The following SCN10A variants were observed in gnomAD, a reference collection of about 807,000 sequenced individuals.
SCN10A encodes the protein sodium voltage-gated channel alpha subunit 10.
SCN10A carries 162 observed loss-of-function variants against 170.7 expected under a neutral mutation model. The observed-to-expected ratio is 0.95, with a 90% CI of 0.84 to 1.08. The LOEUF (loss-of-function observed/expected upper bound fraction) is 1.08. Ranked by LOEUF, SCN10A falls within the 50% of genes least tolerant of loss-of-function variation. SCN10A has a pLI of 0.00. For missense variants in SCN10A, 2,527 were observed against 2,436.9 expected (o/e 1.04, Z -0.78); for synonymous variants, 985 against 904.6 (o/e 1.09, Z -1.59).
At chr3:38,698,620 G>T in intron 27 of SCN10A, 58 bp from the exon 28 acceptor site, 1 of 1,534,802 alleles carries the variant, frequency 6.5e-7, no homozygotes, top group Non-Finnish European at 8.9e-7. Flanking sequence ...ACGTGACAAA[G>T]TTGGCTGTGA....
At chr3:38,761,445 T>C (rs1243092177) in intron 6 of SCN10A, 62 bp from the exon 7 acceptor site, 7 of 1,430,980 alleles carry the variant, frequency 4.9e-6, no homozygotes, top group Non-Finnish European at 6.7e-6. Context: ...AGCACACTTC[T>C]TCATCTTAGC....
intron 12 of SCN10A, 101 bp downstream of exon 12, chr3:38,752,118 G>T (rs2063753015): frequency 1.9e-6 from 2 of 1,080,566 alleles, no homozygotes; most frequent in African/African-American, 3.2e-5. Flanking sequence ...TGGACAGGAT[G>T]ATGGCTAAAG....
chr3:38,723,371 C>T (rs2063415188), intron 19 of SCN10A, 59 bp downstream of exon 19: 11 of 1,605,474 alleles, frequency 6.9e-6, no homozygotes, highest in Admixed American at 1.7e-5. Context: ...AGTGTTCGCT[C>T]AACTGGATTC....
chr3:38,789,422 C>T (rs890168808), intron 3 of SCN10A, among the ~76,000 whole-genome samples: 3 of 152,128 alleles, frequency 2.0e-5, no homozygotes, highest in Non-Finnish European at 2.9e-5. Context: ...CCAAAATGTC[C>T]TTCTGCCCCG....
intron 1 of SCN10A, among the ~76,000 whole-genome samples, chr3:38,806,107 T>C (rs565271991): frequency 6.6e-6 from 1 of 152,150 alleles, no homozygotes; most frequent in African/African-American, 2.4e-5. Context: ...TGAATGAGAG[T>C]GTCAGGCTGA....
At position 38,760,703 on chromosome 3, in the gene SCN10A, A is replaced by G. The variant is rs745457404; in HGVS notation, c.928T>C (p.Cys310Arg). 2.5e-6 allele frequency: 4 copies of G among 1,614,136 alleles called. No individual in the cohort carries two copies. The highest frequency in any genetic ancestry group is 2.2e-5 in the East Asian group (1 of 44,888). Residue 310 changes from cysteine (C) to arginine (R), a missense_variant, in exon 8 of 28, where the codon TGT becomes CGT. Physicochemically the swap from Cys to Arg is radical, Grantham distance 180. Transcript: ENST00000449082. ...CACCCTGAGTCAGATCCATTGCCAC[A>G]CAGTAAGGGGTCAGAAGTGCCTCGC... ...NKRGTSDPLLCGNGSDSGHCP... is the reference protein window; with the variant it reads ...NKRGTSDPLLRGNGSDSGHCP...
At chr3:38,809,080 C>G (rs1212177969) in intron 1 of SCN10A, among the ~76,000 whole-genome samples, 1 of 152,170 alleles carries the variant, frequency 6.6e-6, no homozygotes, top group Admixed American at 6.5e-5. Context: ...CTGATTCATT[C>G]TGATTATGAT....
At chr3:38,710,183 T>C (rs1292229700) in intron 24 of SCN10A, among the ~76,000 whole-genome samples, 1 of 152,082 alleles carries the variant, frequency 6.6e-6, no homozygotes, top group Non-Finnish European at 1.5e-5. Context: ...TTTTTGAGAT[T>C]GAGTCTCGCT....
At chr3:38,799,323 T>C (rs1254437676) in intron 1 of SCN10A, among the ~76,000 whole-genome samples, 1 of 152,160 alleles carries the variant, frequency 6.6e-6, no homozygotes, top group Non-Finnish European at 1.5e-5. Context: ...TGATCAGTTA[T>C]AGGGGTATTG....
chr3:38,750,712 G>T (rs2063738148), intron 12 of SCN10A, among the ~76,000 whole-genome samples: 1 of 152,254 alleles, frequency 6.6e-6, no homozygotes, highest in South Asian at 2.1e-4. Context: ...GGCACAGTTG[G>T]GACTAAAATA....
intron 8 of SCN10A, 152 bp downstream of exon 8, chr3:38,760,529 C>T (rs1200670838): frequency 1.5e-6 from 1 of 653,972 alleles, no homozygotes; most frequent in Non-Finnish European, 2.7e-6. Flanking sequence ...TACATTCCCT[C>T]CCCATGAGCT....
chr3:38,702,067 CTTGT>C lies in SCN10A; in HGVS notation c.4425_4428del (p.Gln1476LeufsTer14). The C allele has an allele frequency of 6.3e-7, 1 of 1,585,084 alleles. No individual in the cohort carries two copies. Among genetic ancestry groups the C allele is most frequent in the Non-Finnish European group, 8.6e-7 (1 of 1,166,138 alleles). On this transcript the variant is annotated frameshift_variant, in exon 27 of 28. Transcript: ENST00000449082. LOFTEE classifies it high-confidence loss of function. ...AGGACCATGATGGTGATGTCAAAAG[CTTGT>C]CTGGTCACGATGTCAAAGACAAAAC...
intron 4 of SCN10A, among the ~76,000 whole-genome samples, chr3:38,771,664 G>T (rs1575167066): frequency 6.6e-6 from 1 of 152,362 alleles, no homozygotes; most frequent in African/African-American, 2.4e-5. Flanking sequence ...CTGCTGTTCT[G>T]GGGTTAGGCA....
At chr3:38,803,209 A>C (rs1278596157) in intron 1 of SCN10A, among the ~76,000 whole-genome samples, 1 of 152,234 alleles carries the variant, frequency 6.6e-6, no homozygotes, top group East Asian at 1.9e-4. Flanking sequence ...GTGGGACTGT[A>C]AACTAGTTCA....
At chr3:38,804,134 T>C (rs2064391736) in intron 1 of SCN10A, among the ~76,000 whole-genome samples, 1 of 152,230 alleles carries the variant, frequency 6.6e-6, no homozygotes, top group Admixed American at 6.5e-5. Context: ...TGAACTCACT[T>C]CATATAATTC....
rs367743519 is a variant in SCN10A at position 38,742,354 on chromosome 3, G to A, written c.2043C>T (p.Phe681=). 1.2e-4 allele frequency: 201 copies of A among 1,614,206 alleles called. 2 individuals carry two copies. The East Asian group carries it at 3.9e-3, about 31-fold the overall frequency. The change falls in exon 14 of 28, where the codon TTC becomes TTT. Residue 681 remains phenylalanine, a synonymous_variant. Transcript: ENST00000449082. ...TCATGCCATGGTGCTCCATGGCCAT[G>A]AAGATGGTGTTCACCACGATGCACA... is the stretch of plus-strand genomic sequence containing the variant. The part of the protein sequence containing the change: ...ITLCIVVNTI[F]MAMEHHGMSP...
rs2063821895 is a variant in SCN10A, at chr3:38,757,492, C to T, written c.951-333G>A. On this transcript the variant is annotated intron_variant, in intron 8 of 27. Coordinates refer to ENST00000449082, the MANE Select transcript of SCN10A (RefSeq NM_006514.4). ...CAATAACGCAGACTTAAAACCTGAGCCTGTTGGCATCATCTGCAGAGTTGT... is the reference window on the plus strand; with the variant it reads ...CAATAACGCAGACTTAAAACCTGAGTCTGTTGGCATCATCTGCAGAGTTGT... Among the ~76,000 whole-genome samples the T allele has an allele frequency of 2.0e-5, 3 of 152,146 alleles. No individual in the cohort carries two copies. The South Asian group carries it at 6.2e-4, about 32-fold the overall frequency.
intron 15 of SCN10A, among the ~76,000 whole-genome samples, chr3:38,738,916 T>C (rs777483324): frequency 2.0e-5 from 3 of 152,188 alleles, no homozygotes; most frequent in Non-Finnish European, 4.4e-5. Context: ...TTGAAGGTGC[T>C]TGAGACATTG....
In SCN10A at chr3:38,714,002, C is replaced by T. The variant is rs773155259; in HGVS notation, c.3760G>A (p.Ala1254Thr). ...APIKALRTLRALRPLRALSRF... is the reference protein window; with the variant it reads ...APIKALRTLRTLRPLRALSRF... ...GAAAGAGCCCGCAGTGGCCGCAGAG[C>T]GCGAAGGGTTCGAAGGGCTTTGATG... The change falls in exon 22 of 28, where the codon GCT (alanine) becomes ACT (threonine). Residue 1254 changes from alanine (A) to threonine (T), a missense_variant. Ala to Thr is a moderately conservative substitution (Grantham distance 58). Coordinates refer to ENST00000449082, the MANE Select transcript of SCN10A (RefSeq NM_006514.4). 56 of 1,613,906 alleles carry T rather than the reference C, an allele frequency of 3.5e-5. No individual in the cohort carries two copies. The highest frequency in any genetic ancestry group is 1.7e-4 in the Middle Eastern group (1 of 5,944).
Sources: gnomAD v4.1 joint callset for allele counts (sites outside exome capture counted in the v4.1 genomes callset) on GRCh38, gnomAD v4.1.1 for gene constraint, MANE v1.5 for transcripts, NCBI Gene and HGNC (gene_info 2026-07-23, HGNC 2026-07-21) for gene names.